Variants in AGBL1 observed in about 807,000 individuals in gnomAD.
AGBL1 encodes the protein cytosolic carboxypeptidase 4.
In AGBL1, 130 loss-of-function variants were observed where a neutral mutation model predicts 118.9. The observed-to-expected ratio is 1.09, with a 90% CI of 0.95 to 1.26. AGBL1 has a LOEUF of 1.26. Among genes scored for constraint, AGBL1 ranks in the 50% most tolerant of loss-of-function variants. AGBL1 has a pLI of 0.00. For synonymous variants in AGBL1, 555 were observed against 478.9 expected, an observed-to-expected ratio of 1.16 and a Z score of -2.08; for missense variants, 1,584 against 1,298.1, an observed-to-expected ratio of 1.22 and a Z score of -3.38.
At chr15:86,961,330 A>G (rs998178472) in intron 23 of AGBL1, among the ~76,000 whole-genome samples, 5 of 152,080 alleles carry the variant, frequency 3.3e-5, no homozygotes, top group Non-Finnish European at 7.4e-5. Context: ...AAAGCCAATG[A>G]GGGTCCACTC....
intron 17 of AGBL1, among the ~76,000 whole-genome samples, chr15:86,354,154 T>C (rs1354782175): frequency 6.6e-6 from 1 of 152,184 alleles, no homozygotes; most frequent in Non-Finnish European, 1.5e-5. Flanking sequence ...ACAGATACTT[T>C]CTCCCAGAAG....
chr15:86,927,086 C>T (rs2080548952), intron 23 of AGBL1, among the ~76,000 whole-genome samples: 1 of 151,662 alleles, frequency 6.6e-6, no homozygotes, highest in South Asian at 2.1e-4. Context: ...TTGCAGTGAG[C>T]CGAGTTCATG....
chr15:86,894,160 A>G (rs1320910917), intron 22 of AGBL1, among the ~76,000 whole-genome samples: 1 of 152,196 alleles, frequency 6.6e-6, no homozygotes, highest in Non-Finnish European at 1.5e-5. Context: ...TGTTTTCTCC[A>G]TGTATTTCCC....
chr15:86,141,761 C>A (rs528783768), intron 1 of AGBL1, among the ~76,000 whole-genome samples: 4 of 152,202 alleles, frequency 2.6e-5, no homozygotes, highest in Non-Finnish European at 5.9e-5. Context: ...ATTGCTTATT[C>A]TTTTGTTCAT....
At chr15:86,597,747 C>G (rs1345595802) in intron 21 of AGBL1, among the ~76,000 whole-genome samples, 1 of 152,006 alleles carries the variant, frequency 6.6e-6, no homozygotes, top group African/African-American at 2.4e-5. Context: ...GATGCAGAAG[C>G]AGTTAGGTAT....
chr15:86,322,497 C>A (rs999295765), intron 17 of AGBL1, among the ~76,000 whole-genome samples: 3 of 151,888 alleles, frequency 2.0e-5, no homozygotes, highest in South Asian at 2.1e-4. Flanking sequence ...TTTGAGGGGA[C>A]CTGGTAAATC....
At chr15:86,127,234 A>G (rs1050684934) in intron 1 of AGBL1, among the ~76,000 whole-genome samples, 1 of 152,222 alleles carries the variant, frequency 6.6e-6, no homozygotes, top group Non-Finnish European at 1.5e-5. Context: ...AACCGTGGAC[A>G]TAGGTTGTAT....
intron 6 of AGBL1, among the ~76,000 whole-genome samples, chr15:86,237,952 C>A (rs1472083951): frequency 6.6e-6 from 1 of 152,092 alleles, no homozygotes; most frequent in African/African-American, 2.4e-5. Context: ...TTGTACTTAC[C>A]AAGTTTTTGC....
chr15:86,419,012 A>G (rs1417604576), intron 18 of AGBL1, among the ~76,000 whole-genome samples: 2 of 152,174 alleles, frequency 1.3e-5, no homozygotes, highest in Non-Finnish European at 2.9e-5. Context: ...CCTCTTGGAT[A>G]TGAGTAGATC....
chr15:86,833,296 G>C (rs2079131548), intron 22 of AGBL1, among the ~76,000 whole-genome samples: 1 of 152,000 alleles, frequency 6.6e-6, no homozygotes, highest in Admixed American at 6.5e-5. Flanking sequence ...TGGTTTGGCT[G>C]TGTCCCCACC....
intron 1 of AGBL1, among the ~76,000 whole-genome samples, chr15:86,103,309 AT>A (rs1295146974): frequency 6.6e-6 from 1 of 152,192 alleles, no homozygotes; most frequent in Non-Finnish European, 1.5e-5. Flanking sequence ...AGCTTCTTTA[AT>A]ATCAATATGT....
chr15:86,722,495 C>T lies in AGBL1; in HGVS notation c.3158+48059C>T, dbSNP rs866416613. On this transcript the variant is annotated intron_variant, in intron 22 of 22. Coordinates refer to ENST00000614907, the MANE Select transcript of AGBL1 (RefSeq NM_001386094.1). The stretch of plus-strand genomic sequence containing the variant: ...CTGGATCCCTTCCTTACACCTTATA[C>T]AAAAATTAATTCAAGATGGATTAAA... 2.6e-3 allele frequency among the ~76,000 whole-genome samples: 401 copies of T among 152,220 alleles called. 3 individuals are homozygous for T. Among genetic ancestry groups the T allele is most frequent in the African/African-American group, 9.1e-3 (377 of 41,554 alleles).
At position 86,231,735 on chromosome 15, in the gene AGBL1, G is replaced by T. The variant is rs187114505; in HGVS notation, c.526+6784G>T. Among the ~76,000 whole-genome samples, 17 of 152,338 alleles carry T rather than the reference G, an allele frequency of 1.1e-4. No homozygotes were observed. The East Asian group carries it at 3.3e-3, about 29-fold the overall frequency. On this transcript the variant is annotated intron_variant, in intron 6 of 22. Transcript: ENST00000614907. ...TAACTCACATCGTTAGTGGGCTGCA[G>T]GGCTTACCTGCCAGTCTCCAGACCC...
In AGBL1 at chr15:86,636,760, C is replaced by CACATACAT. The variant is rs1555432761; in HGVS notation, c.2995-37509_2995-37502dup. 9.5e-3 allele frequency among the ~76,000 whole-genome samples: 261 copies of CACATACAT among 27,502 alleles called. 18 individuals are homozygous for CACATACAT. Among genetic ancestry groups the CACATACAT allele is most frequent in the Non-Finnish European group, 0.013 (218 of 16,200 alleles). 18.0% of individuals were successfully genotyped at this position (27,502 alleles called of 152,430 possible). ...ATATATATATATATATATATATATA[C>CACATACAT]ACATACATACAGAAAGGCAAGAGAA... On this transcript the variant is annotated intron_variant, in intron 21 of 22. Coordinates refer to ENST00000614907, the MANE Select transcript of AGBL1 (RefSeq NM_001386094.1).
intron 8 of AGBL1, among the ~76,000 whole-genome samples, chr15:86,257,563 C>T (rs930537549): frequency 1.9e-4 from 29 of 152,146 alleles, no homozygotes; most frequent in African/African-American, 6.3e-4. Context: ...TAAATAACTT[C>T]CTCAATCAAA....
intron 18 of AGBL1, among the ~76,000 whole-genome samples, chr15:86,502,587 T>C (rs1416435793): frequency 7.5e-6 from 1 of 133,858 alleles, no homozygotes; most frequent in Admixed American, 7.5e-5. Flanking sequence ...TTGAAGAAGT[T>C]CCCTTCTTAG....
chr15:86,435,147 A>T (rs1567257667), intron 18 of AGBL1, among the ~76,000 whole-genome samples: 1 of 152,192 alleles, frequency 6.6e-6, no homozygotes, highest in Non-Finnish European at 1.5e-5. Flanking sequence ...GGAAATACAT[A>T]TTTGTCATTA....
chr15:87,014,026 A>G (rs773565791), intron 24 of AGBL1, among the ~76,000 whole-genome samples: 24 of 152,194 alleles, frequency 1.6e-4, no homozygotes, highest in Non-Finnish European at 1.5e-4. Context: ...ATCAAAAAAT[A>G]CCTTTAATGT....
chr15:86,497,796 C>CT (rs2082872014), intron 18 of AGBL1, among the ~76,000 whole-genome samples: 1 of 151,880 alleles, frequency 6.6e-6, no homozygotes, highest in Admixed American at 6.6e-5. Flanking sequence ...AGTTCCTGAC[C>CT]TTTTTCTCAT....
Sources: gnomAD v4.1 joint callset for allele counts (sites outside exome capture counted in the v4.1 genomes callset) on GRCh38, gnomAD v4.1.1 for gene constraint, MANE v1.5 for transcripts, NCBI Gene and HGNC (gene_info 2026-07-23, HGNC 2026-07-21) for gene names.